Variants in MYOM3 observed in about 807,000 individuals in gnomAD.
MYOM3 encodes the protein myomesin 3.
Under a neutral mutation model 191.7 loss-of-function variants are expected in MYOM3, and 155 were observed. The ratio of observed to expected loss-of-function variants is 0.81; its 90% confidence interval spans 0.71 to 0.92. The LOEUF (loss-of-function observed/expected upper bound fraction) is 0.92, where lower values mean the gene tolerates loss of function less well. Among genes scored for constraint, MYOM3 ranks in the 40% least tolerant of loss-of-function variants. The pLI is 0.00. For synonymous variants in MYOM3, 757 were observed against 762.9 expected (o/e 0.99, Z 0.13); for missense variants, 1,889 against 1,890.6 (o/e 1.00, Z 0.02).
chr1:24,075,895 G>A (rs1643593212), intron 21 of MYOM3, among the ~76,000 whole-genome samples: 1 of 152,202 alleles, frequency 6.6e-6, no homozygotes, highest in South Asian at 2.1e-4. Context: ...ATAATTAAAA[G>A]AATGGAAAGA....
rs151045741 is a variant in MYOM3 at position 24,087,453 on chromosome 1, C to T, written c.1615-626G>A. ...TCCCTCAGAGCAAAAGCTTCCCCAT[C>T]GCCTGACCCCTCGGCCTGTCTGGCC... On this transcript the variant is annotated intron_variant, in intron 14 of 36. Coordinates refer to ENST00000374434, the MANE Select transcript of MYOM3 (RefSeq NM_152372.4). The surrounding 1 kb of genome is among the most constrained non-coding windows in gnomAD (Gnocchi z 4.5). 4.0e-4 allele frequency among the ~76,000 whole-genome samples: 61 copies of T among 152,298 alleles called. No individual in the cohort carries two copies. Among genetic ancestry groups the T allele is most frequent in the South Asian group, 1.0e-3 (5 of 4,816 alleles).
At chr1:24,062,700 C>T (rs917206992) in intron 32 of MYOM3, among the ~76,000 whole-genome samples, 7 of 152,162 alleles carry the variant, frequency 4.6e-5, no homozygotes, top group Admixed American at 4.6e-4. Flanking sequence ...TTCCCCTAAG[C>T]CTGGCTGACC....
rs183173497 is a variant in MYOM3, at chr1:24,086,758, C to T, written c.1684G>A (p.Val562Ile). ...GACTTCTTTTTCTCCAGGTCCAGAA[C>T]GGCGAATCTCGGGGATCTCACAGGG... The part of the protein sequence containing the change: ...ESPVRSPRFA[V>I]LDLEKKKSYV... The change falls in exon 15 of 37, where the codon GTT becomes ATT. Residue 562 changes from valine to isoleucine, a missense_variant. Physicochemically the swap from Val to Ile is conservative, Grantham distance 29. Transcript: ENST00000374434. 6.6e-5 allele frequency: 107 copies of T among 1,614,182 alleles called. 1 individual carries two copies. The African/African-American group carries it at 8.0e-4, about 12-fold the overall frequency.
intron 29 of MYOM3, 37 bp from the exon 30 acceptor site, chr1:24,064,196 G>C: frequency 6.5e-7 from 1 of 1,538,746 alleles, no homozygotes; most frequent in Non-Finnish European, 9.0e-7. Flanking sequence ...TGTCAGCATG[G>C]GCTCCAGAAG....
chr1:24,085,849 G>A (rs565941300), intron 15 of MYOM3, among the ~76,000 whole-genome samples: 10 of 152,200 alleles, frequency 6.6e-5, no homozygotes, highest in South Asian at 4.2e-4. Context: ...GTGTGTGTGC[G>A]CGTGTGTATT....
At chr1:24,064,283 T>A in intron 29 of MYOM3, 124 bp from the exon 30 acceptor site, 1 of 667,478 alleles carries the variant, frequency 1.5e-6, no homozygotes, top group Non-Finnish European at 2.5e-6. Flanking sequence ...GGTAAGACCC[T>A]TCTCCTCCCT....
intron 20 of MYOM3, among the ~76,000 whole-genome samples, chr1:24,079,060 GTTTA>G (rs913976836): frequency 7.2e-5 from 11 of 152,062 alleles, no homozygotes; most frequent in African/African-American, 2.4e-4. Flanking sequence ...CTGCATACAT[GTTTA>G]TTTATCTATA....
intron 12 of MYOM3, among the ~76,000 whole-genome samples, chr1:24,090,415 C>T (rs1195179513): frequency 6.6e-6 from 1 of 152,146 alleles, no homozygotes; most frequent in Non-Finnish European, 1.5e-5. Flanking sequence ...TCTAGCACAC[C>T]CAAGTCAGCG....
chr1:24,106,168 G>A (rs1356146965), intron 4 of MYOM3, 91 bp from the exon 5 acceptor site: 2 of 1,392,668 alleles, frequency 1.4e-6, no homozygotes, highest in African/African-American at 1.4e-5. Flanking sequence ...CCCAGACTCT[G>A]TAGTTAGACC....
chr1:24,070,990 C>G, intron 25 of MYOM3, 127 bp downstream of exon 25: 2 of 1,249,718 alleles, frequency 1.6e-6, no homozygotes, highest in Non-Finnish European at 2.3e-6. Context: ...ACTGCAACAG[C>G]AAAAGCACAC....
At chr1:24,085,102 T>TTGGATGAATGGATGGATGGATGGA (rs1259234545) in intron 15 of MYOM3, among the ~76,000 whole-genome samples, 1 of 135,392 alleles carries the variant, frequency 7.4e-6, no homozygotes, top group African/African-American at 2.8e-5. Context: ...GGATGGTTGG[T>TTGGATGAATGGATGGATGGATGGA]TGGATGAATG....
At position 24,086,789 on chromosome 1, in the gene MYOM3, C is replaced by T. The variant is rs376623497; in HGVS notation, c.1653G>A (p.Ser551=). The change falls in exon 15 of 37, where the codon TCG becomes TCA. Residue 551 remains serine (S), a synonymous_variant. Transcript: ENST00000374434. ...IGSGTWEAIS[S]ESPVRSPRFA... Reference sequence around the variant, plus strand: ...ATCTCGGGGATCTCACAGGGCTTTCCGAGCTGATGGCCTCCCAGGTGCCAC... The same window carrying T: ...ATCTCGGGGATCTCACAGGGCTTTCTGAGCTGATGGCCTCCCAGGTGCCAC... 52 of 1,614,172 alleles carry T rather than the reference C, an allele frequency of 3.2e-5. No individual in the cohort carries two copies. Among genetic ancestry groups the T allele is most frequent in the Middle Eastern group, 1.6e-4 (1 of 6,062 alleles).
rs187047595 is a variant in MYOM3 at position 24,098,878 on chromosome 1, A to T, written c.656+802T>A. 2.6e-3 allele frequency among the ~76,000 whole-genome samples: 401 copies of T among 152,298 alleles called. 2 individuals are homozygous for T. Among genetic ancestry groups the T allele is most frequent in the Non-Finnish European group, 2.0e-3 (134 of 68,014 alleles). On this transcript the variant is annotated intron_variant, in intron 6 of 36. Coordinates refer to ENST00000374434, the MANE Select transcript of MYOM3 (RefSeq NM_152372.4). ...GTTTGGTGTTTGGGAAACAACCCAG[A>T]TAGAGAGAAATGGCTCACACCAGGC... is the stretch of plus-strand genomic sequence containing the variant.
rs781421106 is a variant in MYOM3 at position 24,086,663 on chromosome 1, G to A, written c.1779C>T (p.Ile593=). 8 of 1,613,974 alleles carry A rather than the reference G, an allele frequency of 5.0e-6. No individual in the cohort carries two copies. The South Asian group carries it at 6.6e-5, about 13-fold the overall frequency. ...LSDPSEPSEP[I]ALRGPPATLP... is the part of the protein sequence containing the mutation. ...GGGTACCTGGCGGGCCCCGCAAGGCGATGGGTTCGCTGGGCTCCGAGGGAT... is the reference window on the plus strand; with the variant it reads ...GGGTACCTGGCGGGCCCCGCAAGGCAATGGGTTCGCTGGGCTCCGAGGGAT... The change falls in exon 15 of 37, where the codon ATC becomes ATT. Residue 593 remains isoleucine, a synonymous_variant. Coordinates refer to ENST00000374434, the MANE Select transcript of MYOM3 (RefSeq NM_152372.4).
rs768485459 is a variant in MYOM3, at chr1:24,072,005, T to A, written c.2977A>T (p.Lys993Ter). The A allele has an allele frequency of 6.2e-7, 1 of 1,613,936 alleles. No individual in the cohort carries two copies. The highest frequency in any genetic ancestry group is 8.5e-7 in the Non-Finnish European group (1 of 1,179,984). Residue 993 changes from lysine to a stop codon, truncating the protein, a stop_gained, in exon 24 of 37, where the codon AAG becomes TAG. Coordinates refer to ENST00000374434, the MANE Select transcript of MYOM3 (RefSeq NM_152372.4). LOFTEE classifies it high-confidence loss of function. Reference protein sequence around the residue: ...SHTLTEEELEKLKKLSHEIRN... With the variant: ...SHTLTEEELE ...ATCTCATGACTCAGCTTCTTCAGCT[T>A]CTCCAGCTCTGGGATAGGGGGAAGT... is the stretch of plus-strand genomic sequence containing the variant.
At chr1:24,061,458 C>A in intron 33 of MYOM3, 149 bp from the exon 34 acceptor site, 1 of 759,030 alleles carries the variant, frequency 1.3e-6, no homozygotes, top group East Asian at 2.7e-5. Context: ...GGCAGGACTG[C>A]GTGGGAGGGT....
chr1:24,109,980 C>G (rs954511319), intron 1 of MYOM3, among the ~76,000 whole-genome samples: 2 of 152,228 alleles, frequency 1.3e-5, no homozygotes, highest in Non-Finnish European at 2.9e-5. Flanking sequence ...CAGATTGACC[C>G]AGGGGAGGCT....
rs1476558550 is a variant in MYOM3, at chr1:24,076,744, G to A, written c.2587-471C>T. On this transcript the variant is annotated intron_variant, in intron 20 of 36. Coordinates refer to ENST00000374434, the MANE Select transcript of MYOM3 (RefSeq NM_152372.4). ...TTAGCCGGGATGGTCTCGATCTCCT[G>A]ACCTCGTGATCCGCCCGCCTCGGCC... is the stretch of plus-strand genomic sequence containing the variant. Among the ~76,000 whole-genome samples, 10 of 76,434 alleles carry A rather than the reference G, an allele frequency of 1.3e-4. 4 individuals carry two copies. Among genetic ancestry groups the A allele is most frequent in the Non-Finnish European group, 1.9e-4 (6 of 31,878 alleles). The allele number at this position is 76,434 out of a possible 152,430, so 50.1% of individuals were successfully genotyped here.
chr1:24,097,573 G>A (rs1185530945), intron 7 of MYOM3, among the ~76,000 whole-genome samples: 1 of 152,188 alleles, frequency 6.6e-6, no homozygotes, highest in African/African-American at 2.4e-5. Context: ...GCCACCGGCT[G>A]GCTCAGGATG....
Sources: gnomAD v4.1 joint callset for allele counts (sites outside exome capture counted in the v4.1 genomes callset) on GRCh38, gnomAD v4.1.1 for gene constraint, Gnocchi (gnomAD v3.1) non-coding constraint, MANE v1.5 for transcripts, NCBI Gene and HGNC (gene_info 2026-07-23, HGNC 2026-07-21) for gene names.